Variants in LMO7 observed in about 807,000 individuals in gnomAD.
LMO7 encodes LIM domain 7, also known as LIM domain only protein 7.
Under a neutral mutation model 206.5 loss-of-function variants are expected in LMO7, and 120 were observed. The observed-to-expected ratio is 0.58, with a 90% confidence interval of 0.50 to 0.68. The LOEUF (loss-of-function observed/expected upper bound fraction) is 0.68. Ranked by LOEUF, LMO7 falls within the 30% of genes least tolerant of loss-of-function variation. The pLI, the probability that LMO7 is intolerant of heterozygous loss-of-function variation, is 0.00. For synonymous variants in LMO7, 706 were observed against 681.5 expected, an observed-to-expected ratio of 1.04 and a Z score of -0.56; for missense variants, 1,959 against 1,957.9, an observed-to-expected ratio of 1.00 and a Z score of -0.01.
chr13:75,773,152 G>A (rs1202341043), intron 4 of LMO7, among the ~76,000 whole-genome samples: 1 of 152,084 alleles, frequency 6.6e-6, no homozygotes, highest in Non-Finnish European at 1.5e-5. Flanking sequence ...ATTTCACAGA[G>A]TCTTCTGGAG....
chr13:75,724,747 C>A (rs1161491364), intron 2 of LMO7, among the ~76,000 whole-genome samples: 1 of 152,022 alleles, frequency 6.6e-6, no homozygotes, highest in Non-Finnish European at 1.5e-5. Flanking sequence ...TTTGATGATT[C>A]AAAATTTAAT....
intron 3 of LMO7, among the ~76,000 whole-genome samples, chr13:75,737,785 A>AAT (rs201947987): frequency 0.094 from 9,040 of 96,590 alleles, 1,326 homozygotes; most frequent in Non-Finnish European, 0.18. Flanking sequence ...AATAAAATAA[A>AAT]AAAAAAAAAA....
chr13:75,664,316 C>T (rs2038904182), intron 1 of LMO7, among the ~76,000 whole-genome samples: 1 of 152,174 alleles, frequency 6.6e-6, no homozygotes, highest in Non-Finnish European at 1.5e-5. Context: ...TTTCACTTAA[C>T]ATAATGATCT....
chr13:75,756,094 G>GT (rs1302609696), intron 3 of LMO7, among the ~76,000 whole-genome samples: 3 of 152,162 alleles, frequency 2.0e-5, no homozygotes, highest in African/African-American at 4.8e-5. Context: ...GGATGTGGTT[G>GT]TAAAATTCTT....
At chr13:75,775,491 C>A (rs2050253558) in intron 4 of LMO7, among the ~76,000 whole-genome samples, 1 of 151,532 alleles carries the variant, frequency 6.6e-6, no homozygotes, top group Non-Finnish European at 1.5e-5. Flanking sequence ...AAAGCTTCTG[C>A]AAAGCAAAAA....
At chr13:75,633,070 G>A (rs565230546), upstream of LMO7, among the ~76,000 whole-genome samples, 2 of 151,776 alleles carry the variant, frequency 1.3e-5, no homozygotes, top group South Asian at 2.1e-4. Flanking sequence ...TCACCATGTC[G>A]GCCAGGCTGG....
chr13:75,696,972 TC>T (rs1406070645), intron 1 of LMO7, among the ~76,000 whole-genome samples: 5 of 152,092 alleles, frequency 3.3e-5, no homozygotes, highest in African/African-American at 1.2e-4. Context: ...AAGCTGGTGA[TC>T]CACATTTTTG....
intron 2 of LMO7, among the ~76,000 whole-genome samples, chr13:75,719,458 A>G (rs1375411580): frequency 2.0e-5 from 3 of 152,110 alleles, no homozygotes; most frequent in African/African-American, 7.2e-5. Flanking sequence ...TCTCATGTCA[A>G]ATTGTAATTC....
At position 75,821,338 on chromosome 13, in the gene LMO7, T is replaced by C. The variant is rs1266149988; in HGVS notation, c.2369T>C (p.Ile790Thr). 2 of 1,613,994 alleles carry C rather than the reference T, an allele frequency of 1.2e-6. No homozygotes were observed. Among genetic ancestry groups the C allele is most frequent in the African/African-American group, 1.3e-5 (1 of 74,920 alleles). The change falls in exon 14 of 31, where the codon ATT (isoleucine) becomes ACT (threonine). Residue 790 changes from isoleucine to threonine, a missense_variant. By Grantham distance (89) the Ile-to-Thr change is moderately conservative (BLOSUM62 -1). Transcript: ENST00000377534. ...EEKGATYPSEIPKEDSTTFAK... is the reference protein window; with the variant it reads ...EEKGATYPSETPKEDSTTFAK... Reference sequence around the variant, plus strand: ...AAGGGAGCAACTTATCCTTCAGAAATTCCCAAAGAAGATTCTACCACTTTT... The same window carrying C: ...AAGGGAGCAACTTATCCTTCAGAAACTCCCAAAGAAGATTCTACCACTTTT...
At chr13:75,773,154 C>G (rs1030517210) in intron 4 of LMO7, among the ~76,000 whole-genome samples, 1 of 152,094 alleles carries the variant, frequency 6.6e-6, no homozygotes, top group Non-Finnish European at 1.5e-5. Context: ...TTCACAGAGT[C>G]TTCTGGAGGT....
Position 75,819,446 on chromosome 13 carries a change from GAAA to G in LMO7, c.2122_2124del (p.Lys708del), listed in dbSNP as rs2057364331. On this transcript the variant is annotated inframe_deletion, in exon 13 of 31. Transcript: ENST00000377534. ...AAAGTTACACTTCAGATCTGCAGAA[GAAA>G]AAAGAAGAGAGAGAAGAAATTGAAA... 2 of 1,612,678 alleles carry G rather than the reference GAAA, an allele frequency of 1.2e-6. No homozygotes were observed. Among genetic ancestry groups the G allele is most frequent in the Admixed American group, 3.4e-5 (2 of 59,578 alleles).
chr13:75,653,975 T>C (rs534653729), intron 1 of LMO7, among the ~76,000 whole-genome samples: 45 of 152,336 alleles, frequency 3.0e-4, no homozygotes, highest in Non-Finnish European at 6.3e-4. Context: ...AGTGGATCTC[T>C]TGATAAAGAG....
chr13:75,642,518 G>A (rs945817739), intron 1 of LMO7, among the ~76,000 whole-genome samples: 2 of 150,236 alleles, frequency 1.3e-5, no homozygotes, highest in Non-Finnish European at 3.0e-5. Context: ...TGGGAGGATC[G>A]CCTGAGTCTG....
rs780968712 is a variant in LMO7, at chr13:75,805,572, A to G, written c.1008A>G (p.Ala336=). 1.1e-5 allele frequency: 17 copies of G among 1,613,962 alleles called. No homozygotes were observed. The Middle Eastern group carries it at 4.9e-4, about 47-fold the overall frequency. Residue 336 remains alanine (A), a synonymous_variant, in exon 9 of 31, where the codon GCA becomes GCG. Transcript: ENST00000377534. ...CTTGTTATTTGGAAGAGGAAAAAGC[A>G]AAGACAAGAAGCATACCCAACATTG... ...KSSCYLEEEK[A]KTRSIPNIVK...
Position 75,718,440 on chromosome 13 carries a change from C to T in LMO7, c.140+5188C>T, listed in dbSNP as rs143592320. Among the ~76,000 whole-genome samples the T allele has an allele frequency of 9.2e-5, 14 of 152,292 alleles. No individual in the cohort carries two copies. In the East Asian group the frequency reaches 2.7e-3, roughly 29 times the overall value. On this transcript the variant is annotated intron_variant, in intron 2 of 30. Coordinates refer to ENST00000377534, the MANE Select transcript of LMO7 (RefSeq NM_001306080.2). ...AATAGTACAGGAAGCCAGGTCCCTC[C>T]GTTAGATTCCTTTTGCTTTCTGTTG...
chr13:75,771,279 A>G (rs2049625325), intron 4 of LMO7, among the ~76,000 whole-genome samples: 1 of 152,112 alleles, frequency 6.6e-6, no homozygotes, highest in African/African-American at 2.4e-5. Context: ...AGAATAGAAG[A>G]GATGTAGTAC....
intron 2 of LMO7, among the ~76,000 whole-genome samples, chr13:75,722,355 A>G (rs2044090758): frequency 1.3e-5 from 2 of 152,150 alleles, no homozygotes; most frequent in South Asian, 4.1e-4. Context: ...AAATCAAGAA[A>G]AAAACAATCC....
chr13:75,703,714 TTGTGTGTGTG>T (rs139490120), intron 1 of LMO7, among the ~76,000 whole-genome samples: 1 of 147,584 alleles, frequency 6.8e-6, no homozygotes, highest in African/African-American at 2.5e-5. Context: ...TTCAGGTTCT[TTGTGTGTGTG>T]TGTGTGTGTG....
intron 6 of LMO7, among the ~76,000 whole-genome samples, chr13:75,797,192 A>G (rs1400808696): frequency 6.6e-6 from 1 of 152,230 alleles, no homozygotes; most frequent in East Asian, 1.9e-4. Flanking sequence ...TTTAATGCCC[A>G]CACTTTCATA....
Sources: gnomAD v4.1 joint callset for allele counts (sites outside exome capture counted in the v4.1 genomes callset) on GRCh38, gnomAD v4.1.1 for gene constraint, MANE v1.5 for transcripts, NCBI Gene and HGNC (gene_info 2026-07-23, HGNC 2026-07-21) for gene names.